Variants in ODAD2 observed in about 807,000 individuals in gnomAD.
ODAD2 encodes outer dynein arm docking complex subunit 2, also known as outer dynein arm-docking complex subunit 2.
ODAD2 carries 89 observed loss-of-function variants against 106.8 expected under a neutral mutation model. That is an observed-to-expected ratio of 0.83 (90% CI 0.70 to 0.99). The LOEUF is 0.99. Among genes scored for constraint, ODAD2 ranks in the 50% least tolerant of loss-of-function variants. The pLI is 0.00. For missense variants in ODAD2, 1,168 were observed against 1,238.5 expected (o/e 0.94, Z 0.85); for synonymous variants, 404 against 436.2 (o/e 0.93, Z 0.92).
intron 19 of ODAD2, among the ~76,000 whole-genome samples, chr10:27,813,793 T>C (rs1190494521): frequency 1.3e-5 from 2 of 152,184 alleles, no homozygotes; most frequent in African/African-American, 4.8e-5. Context: ...AGGTAGCTCT[T>C]ACAGCAAATT....
chr10:27,920,160 C>T (rs980394870), intron 16 of ODAD2, among the ~76,000 whole-genome samples: 4 of 151,870 alleles, frequency 2.6e-5, no homozygotes, highest in Admixed American at 2.0e-4. Flanking sequence ...GACGGGCAGC[C>T]GGGAGGTTTA....
At chr10:27,885,523 A>T (rs1564465048) in intron 17 of ODAD2, among the ~76,000 whole-genome samples, 4 of 19,332 alleles carry the variant, frequency 2.1e-4, no homozygotes, top group Admixed American at 1.1e-3. Context: ...AAAAAAAAAA[A>T]AAAAAAAAAA....
Position 27,968,971 on chromosome 10 carries a change from A to G in ODAD2, c.1190T>C (p.Leu397Pro), listed in dbSNP as rs1848651667. The change falls in exon 9 of 20, where the codon CTT becomes CCT. Residue 397 changes from leucine to proline, a missense_variant. By Grantham distance (98) the Leu-to-Pro change is moderately conservative. Transcript: ENST00000305242. ...EIQEDKHTGK[L>P]EKPRPSVSHG... ...TGAAACAGATGGTCTTGGTTTTTCA[A>G]GTTTTCCTGTGTGTTTGTCCTCTTG... The G allele has an allele frequency of 3.0e-6, 2 of 666,692 alleles. No individual in the cohort carries two copies. Among genetic ancestry groups the G allele is most frequent in the East Asian group, 5.5e-5 (2 of 36,570 alleles). 41.3% of individuals were successfully genotyped at this position (666,692 alleles called of 1,614,324 possible). A position where few individuals can be genotyped will look rare whatever the true frequency, so the allele number is the denominator to read the frequency against.
chr10:27,833,451 C>T (rs547823395), intron 19 of ODAD2, among the ~76,000 whole-genome samples: 7 of 152,196 alleles, frequency 4.6e-5, no homozygotes, highest in African/African-American at 1.7e-4. Context: ...TAAAATGCAT[C>T]GTAGGAACTC....
Position 27,858,205 on chromosome 10 carries a change from C to T in ODAD2, c.3021+2420G>A, listed in dbSNP as rs79958526. ...GATTCTACCAACACCCAGTATGCCA[C>T]ACCCACATTTTTTTCCTCCTTAAAG... On this transcript the variant is annotated intron_variant, in intron 19 of 19. Transcript: ENST00000305242. Among the ~76,000 whole-genome samples the T allele has an allele frequency of 2.3e-4, 35 of 152,254 alleles. No homozygotes were observed. In the East Asian group the frequency reaches 2.3e-3, roughly 10 times the overall value.
chr10:27,984,761 C>T (rs1849768837), intron 4 of ODAD2, among the ~76,000 whole-genome samples: 1 of 152,002 alleles, frequency 6.6e-6, no homozygotes, highest in Admixed American at 6.6e-5. Context: ...TTGTTTGTTC[C>T]AATAAAATGT....
chr10:27,984,009 A>G, intron 5 of ODAD2, 30 bp from the exon 6 acceptor site: 1 of 1,600,798 alleles, frequency 6.2e-7, no homozygotes, highest in Admixed American at 1.8e-5. Context: ...AATTAACAGG[A>G]GTTCCTTAAC....
chr10:27,951,865 A>G (rs973811312), intron 10 of ODAD2, among the ~76,000 whole-genome samples: 3 of 152,062 alleles, frequency 2.0e-5, no homozygotes, highest in African/African-American at 2.4e-5. Flanking sequence ...ATCTGAGGTC[A>G]AGAGTTCGAG....
intron 17 of ODAD2, among the ~76,000 whole-genome samples, chr10:27,870,238 A>G (rs529436529): frequency 2.3e-4 from 35 of 152,040 alleles, no homozygotes; most frequent in Middle Eastern, 6.8e-3. Flanking sequence ...TTCTCTCCCA[A>G]TCTCAATCTT....
intron 10 of ODAD2, chr10:27,958,975 A>T: frequency 1.5e-6 from 2 of 1,303,634 alleles, no homozygotes; most frequent in African/African-American, 3.0e-5. Flanking sequence ...TCCTTTTGCT[A>T]ATGAAATAAA....
chr10:27,812,271 T>C lies in ODAD2; in HGVS notation c.*241A>G, dbSNP rs1056749880. 4.1e-6 allele frequency: 2 copies of C among 493,818 alleles called. No individual in the cohort carries two copies. The highest frequency in any genetic ancestry group is 7.0e-6 in the Non-Finnish European group (2 of 285,174). The allele number at this position is 493,818 out of a possible 1,614,324, so 30.6% of individuals were successfully genotyped here. On this transcript the variant is annotated 3_prime_UTR_variant, in exon 20 of 20. Transcript: ENST00000305242. ...ATATTCTCATATTCTTAGAAACTTA[T>C]CACAGGTTTATTGGCTTTCCATCTT...
chr10:27,977,400 T>TA (rs35313855), intron 7 of ODAD2, among the ~76,000 whole-genome samples: 35,760 of 135,778 alleles, frequency 0.26, 4,561 homozygotes, highest in Middle Eastern at 0.31. Context: ...CCATTTCTGC[T>TA]AAAAAAAAAA....
chr10:27,900,971 A>G (rs1390107400), intron 17 of ODAD2, among the ~76,000 whole-genome samples: 3 of 152,176 alleles, frequency 2.0e-5, no homozygotes, highest in Non-Finnish European at 2.9e-5. Context: ...GAACACCACA[A>G]AGATACTCCT....
intron 19 of ODAD2, among the ~76,000 whole-genome samples, chr10:27,839,652 G>A (rs966120056): frequency 1.3e-5 from 2 of 152,136 alleles, no homozygotes; most frequent in South Asian, 2.1e-4. Flanking sequence ...TCATGTGAGC[G>A]CCAGAAAAAC....
chr10:27,948,806 A>G (rs1188638670), intron 10 of ODAD2, among the ~76,000 whole-genome samples: 1 of 27,794 alleles, frequency 3.6e-5, no homozygotes, highest in South Asian at 1.3e-3. Context: ...TTTTTTTTGC[A>G]ATTGACATTT....
intron 2 of ODAD2, 144 bp downstream of exon 2, chr10:27,994,775 C>G: frequency 1.2e-6 from 1 of 811,466 alleles, no homozygotes; most frequent in Non-Finnish European, 1.9e-6. Context: ...CAGACTTCAC[C>G]TGTGTGTCTC....
intron 10 of ODAD2, among the ~76,000 whole-genome samples, chr10:27,950,831 G>GA (rs1847280340): frequency 6.6e-6 from 1 of 152,012 alleles, no homozygotes; most frequent in African/African-American, 2.4e-5. Flanking sequence ...TTGCAATGCA[G>GA]AAAAATTTAT....
intron 10 of ODAD2, among the ~76,000 whole-genome samples, chr10:27,947,567 T>C (rs1251489671): frequency 1.3e-5 from 2 of 152,058 alleles, no homozygotes; most frequent in Non-Finnish European, 2.9e-5. Context: ...AGAAAAACAA[T>C]TCATTTGAAT....
intron 17 of ODAD2, among the ~76,000 whole-genome samples, chr10:27,883,213 C>A (rs777912382): frequency 6.6e-6 from 1 of 151,736 alleles, no homozygotes; most frequent in Non-Finnish European, 1.5e-5. Context: ...CACACAGAAC[C>A]CTTATCACAG....
Sources: gnomAD v4.1 joint callset for allele counts (sites outside exome capture counted in the v4.1 genomes callset) on GRCh38, gnomAD v4.1.1 for gene constraint, MANE v1.5 for transcripts, NCBI Gene and HGNC (gene_info 2026-07-23, HGNC 2026-07-21) for gene names.